CPNE4: variants seen among roughly 807,000 people sequenced by gnomAD.
The protein encoded by CPNE4 is copine 4, also known as copine-4.
A neutral mutation model predicts 67.9 loss-of-function variants in CPNE4; 25 were observed. The ratio of observed to expected loss-of-function variants is 0.37; its 90% CI spans 0.27 to 0.51. The LOEUF (loss-of-function observed/expected upper bound fraction) is 0.51. CPNE4 is among the 20% of genes least tolerant of loss of function. The probability of loss-of-function intolerance (pLI) is 0.93; values close to 1 mark genes in which losing one functional copy is unlikely to be tolerated. For missense variants in CPNE4, 464 were observed against 690.8 expected, an observed-to-expected ratio of 0.67 and a Z score of 3.68; for synonymous variants, 242 against 244.9, an observed-to-expected ratio of 0.99 and a Z score of 0.11.
At chr3:131,682,260 T>C (rs1223687126) in intron 6 of CPNE4, among the ~76,000 whole-genome samples, 1 of 152,142 alleles carries the variant, frequency 6.6e-6, no homozygotes, top group Admixed American at 6.5e-5. Flanking sequence ...CCTGGGCTTG[T>C]TTGTACCATC....
At chr3:131,924,535 T>C (rs1386038981) in intron 1 of CPNE4, among the ~76,000 whole-genome samples, 3 of 152,110 alleles carry the variant, frequency 2.0e-5, no homozygotes, top group African/African-American at 2.4e-5. Flanking sequence ...TGGAGATCTT[T>C]TAAAAAAAAT....
chr3:131,783,838 G>A (rs2083486308), intron 2 of CPNE4, among the ~76,000 whole-genome samples: 1 of 151,986 alleles, frequency 6.6e-6, no homozygotes, highest in Non-Finnish European at 1.5e-5. Flanking sequence ...ATACTGACCA[G>A]ACATTCTGGT....
rs757462704 is a variant in CPNE4 at position 131,837,577 on chromosome 3, T to G, written c.180+67687A>C. Among the ~76,000 whole-genome samples the G allele has an allele frequency of 3.9e-4, 60 of 152,084 alleles. 1 individual carries two copies. The highest frequency in any genetic ancestry group is 5.8e-4 in the East Asian group (3 of 5,182). ...AGGGATAACACAGGGAGATTTTTTT[T>G]GGGGGGTGAGTGATAGAATAGATCT... On this transcript the variant is annotated intron_variant, in intron 2 of 15. Coordinates refer to ENST00000429747, the MANE Select transcript of CPNE4 (RefSeq NM_130808.3).
intron 2 of CPNE4, among the ~76,000 whole-genome samples, chr3:131,884,960 TATA>T (rs1283602799): frequency 2.0e-5 from 3 of 152,154 alleles, no homozygotes; most frequent in Non-Finnish European, 2.9e-5. Context: ...AGTGAAATAA[TATA>T]GTAAATTTGT....
intron 1 of CPNE4, among the ~76,000 whole-genome samples, chr3:132,013,305 GTTTTA>G (rs2073816687): frequency 6.6e-6 from 1 of 151,814 alleles, no homozygotes; most frequent in Admixed American, 6.6e-5. Flanking sequence ...ATAACCGGAA[GTTTTA>G]TTTTGTTTTT....
chr3:131,575,212 T>A, intron 9 of CPNE4, 82 bp from the exon 10 acceptor site: 1 of 1,179,314 alleles, frequency 8.5e-7, no homozygotes, highest in Non-Finnish European at 1.3e-6. Context: ...GGTTGGTGAC[T>A]GATAAGCTGC....
intron 2 of CPNE4, among the ~76,000 whole-genome samples, chr3:131,753,881 T>C (rs2082689791): frequency 6.6e-6 from 1 of 152,156 alleles, no homozygotes; most frequent in African/African-American, 2.4e-5. Context: ...TTTAAATTTT[T>C]TTTTAAATGT....
chr3:131,586,427 G>A (rs1938184714), intron 8 of CPNE4, among the ~76,000 whole-genome samples: 1 of 152,122 alleles, frequency 6.6e-6, no homozygotes, highest in Admixed American at 6.5e-5. Flanking sequence ...GGATAACTAG[G>A]GCCTGCTGGA....
Position 131,760,112 on chromosome 3 carries a change from T to A in CPNE4, c.181-36487A>T, listed in dbSNP as rs745485434. On this transcript the variant is annotated intron_variant, in intron 2 of 15. Coordinates refer to ENST00000429747, the MANE Select transcript of CPNE4 (RefSeq NM_130808.3). The stretch of plus-strand genomic sequence containing the variant: ...CAGAGTACAAATAGTGTGGATTTTT[T>A]AAAAAAGAATCAATTCCATCATTAC... Among the ~76,000 whole-genome samples the A allele has an allele frequency of 3.2e-4, 49 of 152,174 alleles. 1 individual carries two copies. Among genetic ancestry groups the A allele is most frequent in the Admixed American group, 2.6e-3 (39 of 15,270 alleles).
At chr3:131,872,092 C>T (rs1291860010) in intron 2 of CPNE4, among the ~76,000 whole-genome samples, 3 of 152,090 alleles carry the variant, frequency 2.0e-5, no homozygotes, top group Admixed American at 6.6e-5. Flanking sequence ...AACAGTGTGA[C>T]AGAAGTGCAT....
intron 2 of CPNE4, among the ~76,000 whole-genome samples, chr3:131,863,350 C>T (rs940542403): frequency 2.0e-5 from 3 of 152,106 alleles, no homozygotes; most frequent in Non-Finnish European, 2.9e-5. Context: ...TCCTATTTCT[C>T]CACATCCTCT....
In CPNE4 at chr3:131,989,738, G is replaced by A. The variant is rs559808949; in HGVS notation, c.-2+44829C>T. On this transcript the variant is annotated intron_variant, in intron 1 of 15. Transcript: ENST00000429747. ...GGTGAGGAATAAATCCAAATTTTAC[G>A]GGTGGAGAAAGCATGTCCAGTCCAA... 1.4e-4 allele frequency among the ~76,000 whole-genome samples: 19 copies of A among 136,456 alleles called. 3 individuals carry two copies. The highest frequency in any genetic ancestry group is 2.5e-4 in the South Asian group (1 of 3,940). 89.5% of individuals were successfully genotyped at this position (136,456 alleles called of 152,430 possible). A position where few individuals can be genotyped will look rare whatever the true frequency, so the allele number is the denominator to read the frequency against.
At chr3:131,822,701 A>G (rs992237473) in intron 2 of CPNE4, among the ~76,000 whole-genome samples, 1 of 152,202 alleles carries the variant, frequency 6.6e-6, no homozygotes, top group Non-Finnish European at 1.5e-5. Context: ...GCCACAGAAT[A>G]ATCCATATAC....
intron 7 of CPNE4, among the ~76,000 whole-genome samples, chr3:131,665,020 C>T (rs988237468): frequency 1.3e-5 from 2 of 152,090 alleles, no homozygotes; most frequent in Non-Finnish European, 2.9e-5. Context: ...GCTCAGTAGA[C>T]ATGGCTGAGA....
chr3:131,563,847 A>G (rs1233461637), intron 11 of CPNE4, among the ~76,000 whole-genome samples: 2 of 152,076 alleles, frequency 1.3e-5, no homozygotes, highest in Non-Finnish European at 1.5e-5. Flanking sequence ...TACGACTCTA[A>G]AGTATACACA....
rs527350562 is a variant in CPNE4, at chr3:131,872,452, G to A, written c.180+32812C>T. 2.0e-5 allele frequency among the ~76,000 whole-genome samples: 3 copies of A among 152,246 alleles called. No homozygotes were observed. In the East Asian group the frequency reaches 5.8e-4, roughly 29 times the overall value. On this transcript the variant is annotated intron_variant, in intron 2 of 15. Transcript: ENST00000429747. Reference sequence around the variant, plus strand: ...TCCCAGTTTGAAGGCAGTTAGGCAGGAGAAATTCTCTTTTACCTGGGTGAG... The same window carrying A: ...TCCCAGTTTGAAGGCAGTTAGGCAGAAGAAATTCTCTTTTACCTGGGTGAG...
chr3:131,733,617 G>A (rs1237182367), intron 2 of CPNE4, among the ~76,000 whole-genome samples: 1 of 152,250 alleles, frequency 6.6e-6, no homozygotes, highest in African/African-American at 2.4e-5. Flanking sequence ...AGCAGGCAGA[G>A]CCTGCCAAGA....
At chr3:131,747,904 C>T (rs930330952) in intron 2 of CPNE4, among the ~76,000 whole-genome samples, 2 of 152,112 alleles carry the variant, frequency 1.3e-5, no homozygotes, top group South Asian at 2.1e-4. Flanking sequence ...AGAGTAGTGA[C>T]AGCAGATACC....
intron 3 of CPNE4, among the ~76,000 whole-genome samples, chr3:131,708,999 T>C (rs796986851): frequency 0.15 from 19,505 of 128,972 alleles, 2,317 homozygotes; most frequent in African/African-American, 0.22. Flanking sequence ...TATATATACA[T>C]ACACACATAA....
Sources: allele counts gnomAD v4.1 joint callset (sites outside exome capture counted in the v4.1 genomes callset), GRCh38; gene constraint gnomAD v4.1.1; transcripts MANE v1.5; gene names NCBI Gene and HGNC (gene_info 2026-07-23, HGNC 2026-07-21).